UNC79: variants seen among roughly 807,000 people sequenced by gnomAD.
UNC79 encodes the protein unc-79 subunit of NALCN channel complex, also known as protein unc-79 homolog.
A neutral mutation model predicts 283.1 loss-of-function variants in UNC79; 37 were observed. The observed-to-expected ratio is 0.13, with a 90% CI of 0.10 to 0.17. The LOEUF (loss-of-function observed/expected upper bound fraction) is 0.17, where lower values mean the gene tolerates loss of function less well. Ranked by LOEUF, UNC79 falls within the 10% of genes least tolerant of loss-of-function variation. The pLI, the probability that UNC79 is intolerant of heterozygous loss-of-function variation, is 1.00. For missense variants in UNC79, 2,272 were observed against 3,211.1 expected (o/e 0.71, Z 7.07); for synonymous variants, 1,107 against 1,200.2 (o/e 0.92, Z 1.61).
At chr14:93,654,549 G>GA (rs1488054340) in intron 37 of UNC79, among the ~76,000 whole-genome samples, 5 of 149,088 alleles carry the variant, frequency 3.4e-5, no homozygotes, top group Non-Finnish European at 7.5e-5. Context: ...AAAAATAATA[G>GA]AAAATGCTAA....
At position 93,691,624 on chromosome 14, in the gene UNC79, G is replaced by A. The variant is rs543742408; in HGVS notation, c.7273-125G>A. ...ATGAATCATGACTTTGTAACTCTGAGATAACGTTATGCCTTTGTGCTTCCC... is the reference window on the plus strand; with the variant it reads ...ATGAATCATGACTTTGTAACTCTGAAATAACGTTATGCCTTTGTGCTTCCC... On this transcript the variant is annotated intron_variant, in intron 45 of 48. Transcript: ENST00000555664. 8.5e-6 allele frequency: 8 copies of A among 938,184 alleles called. No individual in the cohort carries two copies. The East Asian group carries it at 1.9e-4, about 23-fold the overall frequency. 58.1% of individuals were successfully genotyped at this position (938,184 alleles called of 1,614,324 possible).
At chr14:93,619,651 TG>T (rs1255694245) in intron 29 of UNC79, among the ~76,000 whole-genome samples, 1 of 152,216 alleles carries the variant, frequency 6.6e-6, no homozygotes, top group African/African-American at 2.4e-5. Flanking sequence ...AAGTTTAGTA[TG>T]GTTATTTCAT....
chr14:93,494,572 C>A (rs1160257085), intron 5 of UNC79, among the ~76,000 whole-genome samples: 2 of 152,136 alleles, frequency 1.3e-5, no homozygotes, highest in Non-Finnish European at 2.9e-5. Context: ...AGATAATGAA[C>A]TTTGAGCCCA....
exon 49 of UNC79, chr14:93,706,776 C>T (rs1181167261): frequency 6.2e-7 from 1 of 1,614,268 alleles, no homozygotes; most frequent in East Asian, 2.2e-5. Context: ...CCTAAGGACG[C>T]TGCCGGGCTC....
chr14:93,690,268 A>G lies in UNC79; in HGVS notation c.7237A>G (p.Ile2413Val). The change falls in exon 45 of 49, where the codon ATT becomes GTT. Residue 2413 changes from isoleucine (I) to valine (V), a missense_variant. Around this residue, in one of 11 missense-constraint regions of UNC79, gnomAD observed 225 missense variants for 334.2 expected, o/e 0.67. Coordinates refer to ENST00000555664, the Ensembl canonical transcript of UNC79. This position sits in a 1 kb window ranked among gnomAD's most constrained non-coding sequence, Gnocchi z 4.3. ...AGGCTCCCACGTTGCAGACCATCTT[A>G]TTGTTATCCTGATTGGATTTCCAGA... 6.2e-7 allele frequency: 1 copy of G among 1,613,934 alleles called. No individual in the cohort carries two copies.
At chr14:93,582,429 T>G in intron 20 of UNC79, 85 bp downstream of exon 20, 2 of 1,549,088 alleles carry the variant, frequency 1.3e-6, no homozygotes, top group South Asian at 1.2e-5. Context: ...TAATATCGAC[T>G]TGGGCAAATT....
chr14:93,445,326 G>A (rs78517654), intron 1 of UNC79, among the ~76,000 whole-genome samples: 2,129 of 152,266 alleles, frequency 0.014, 23 homozygotes, highest in Middle Eastern at 0.034. Context: ...GCACTGGCTA[G>A]GACCTTCAGA....
intron 11 of UNC79, among the ~76,000 whole-genome samples, chr14:93,533,989 T>A (rs2060947403): frequency 6.6e-6 from 1 of 152,248 alleles, no homozygotes. Flanking sequence ...CTGATTCTCT[T>A]GATTCAGAGT....
intron 1 of UNC79, among the ~76,000 whole-genome samples, chr14:93,465,417 C>A (rs565998029): frequency 1.3e-5 from 2 of 151,910 alleles, no homozygotes; most frequent in Non-Finnish European, 2.9e-5. Flanking sequence ...TAGTTTCTGC[C>A]CTTAAGAAAT....
chr14:93,527,728 A>AT (rs1019687870), intron 8 of UNC79, among the ~76,000 whole-genome samples: 4 of 152,302 alleles, frequency 2.6e-5, no homozygotes, highest in Non-Finnish European at 5.9e-5. Context: ...TGAATTGATT[A>AT]TTTTTTCGAG....
At chr14:93,628,683 T>C (rs2067763167) in intron 30 of UNC79, among the ~76,000 whole-genome samples, 1 of 152,202 alleles carries the variant, frequency 6.6e-6, no homozygotes, top group African/African-American at 2.4e-5. Flanking sequence ...GCCTGACATT[T>C]TCTTCCCATC....
chr14:93,540,678 G>A lies in UNC79; in HGVS notation c.1371G>A (p.Glu457=), dbSNP rs768953662. The A allele has an allele frequency of 3.1e-6, 5 of 1,613,056 alleles. No individual in the cohort carries two copies. The South Asian group carries it at 5.5e-5, about 18-fold the overall frequency. ...TTGGCAGCTTGTTGAAAGAAGCCGA[G>A]TTCCATGCTGAGCAGCGAGAACATG... The change falls in exon 13 of 49, where the codon GAG becomes GAA. Residue 457 remains glutamate (E), a synonymous_variant. Transcript: ENST00000555664.
At chr14:93,603,323 G>A (rs1440472839) in exon 26 of UNC79, 11 of 1,614,022 alleles carry the variant, frequency 6.8e-6, no homozygotes, top group South Asian at 6.6e-5. Context: ...GCAAGAAACC[G>A]CCAGAAGAGT....
chr14:93,574,983 G>A, intron 16 of UNC79, 75 bp from the exon 17 acceptor site: 1 of 1,502,544 alleles, frequency 6.7e-7, no homozygotes, highest in Non-Finnish European at 9.0e-7. Context: ...TTTGGAAAAA[G>A]AAGGTTAAAT....
At chr14:93,346,229 G>C (rs999858281) in intron 1 of UNC79, among the ~76,000 whole-genome samples, 1 of 152,308 alleles carries the variant, frequency 6.6e-6, no homozygotes. Context: ...GAGGAATCCA[G>C]AGAAACCCTA....
intron 7 of UNC79, among the ~76,000 whole-genome samples, chr14:93,499,012 A>G (rs947589849): frequency 3.9e-5 from 6 of 152,300 alleles, no homozygotes; most frequent in Non-Finnish European, 8.8e-5. Context: ...GTGGTTTTCA[A>G]GGGGATTTAA....
intron 1 of UNC79, among the ~76,000 whole-genome samples, chr14:93,340,561 G>T (rs1399637923): frequency 6.7e-6 from 1 of 149,352 alleles, no homozygotes; most frequent in Non-Finnish European, 1.5e-5. Flanking sequence ...AGTTCACTAT[G>T]TAGGAGAAAC....
chr14:93,362,975 A>G (rs887215352), intron 1 of UNC79, among the ~76,000 whole-genome samples: 3 of 151,900 alleles, frequency 2.0e-5, no homozygotes, highest in African/African-American at 4.8e-5. Context: ...TGTTCAGCCT[A>G]GCTCTAATAT....
intron 30 of UNC79, 62 bp downstream of exon 32, chr14:93,622,903 G>A (rs542228077): frequency 3.4e-5 from 53 of 1,563,790 alleles, no homozygotes; most frequent in Admixed American, 2.2e-4. Context: ...TTGTTTGATA[G>A]GGTACCGGCA....
Sources: gnomAD v4.1 joint callset for allele counts (sites outside exome capture counted in the v4.1 genomes callset) on GRCh38, gnomAD v4.1.1 for gene constraint, gnomAD v4.1.1 regional missense constraint, Gnocchi (gnomAD v3.1) non-coding constraint, MANE v1.5 for transcripts, NCBI Gene and HGNC (gene_info 2026-07-23, HGNC 2026-07-21) for gene names.